Variants in TMEM260 observed in about 807,000 individuals in gnomAD.
TMEM260 encodes the protein protein O-mannosyl-transferase TMEM260.
Under a neutral mutation model 88.9 loss-of-function variants are expected in TMEM260, and 82 were observed. The observed-to-expected ratio is 0.92, with a 90% CI of 0.77 to 1.11. The LOEUF is 1.11. Among genes scored for constraint, TMEM260 ranks in the 50% least tolerant of loss-of-function variants. The pLI, the probability that TMEM260 is intolerant of heterozygous loss-of-function variation, is 0.00. For synonymous variants in TMEM260, 314 were observed against 309.3 expected, an observed-to-expected ratio of 1.02 and a Z score of -0.16; for missense variants, 902 against 853.4, an observed-to-expected ratio of 1.06 and a Z score of -0.71.
chr14:56,662,441 C>T, the TMEM260 span, among the ~76,000 whole-genome samples: 1 of 152,168 alleles, frequency 6.6e-6, no homozygotes, highest in South Asian at 2.1e-4. Flanking sequence ...AGCTCCCTAA[C>T]AAGATGGGAA....
In TMEM260 at chr14:56,615,997, C is replaced by T. The variant is rs1196554182; in HGVS notation, c.911C>T (p.Ala304Val). ...CTCTCATTCAACATCCAAGCCCTTG[C>T]AGTTTGTGCAAATATATGTTTAGCA... The part of the protein sequence containing the change: ...TELSFNIQAL[A>V]VCANICLATK... Residue 304 changes from alanine (A) to valine (V), a missense_variant, in exon 8 of 16, where the codon GCA (alanine) becomes GTA (valine). Transcript: ENST00000261556. The T allele has an allele frequency of 1.9e-6, 3 of 1,612,728 alleles. No homozygotes were observed. Among genetic ancestry groups the T allele is most frequent in the East Asian group, 4.5e-5 (2 of 44,794 alleles).
chr14:56,604,651 T>G (rs1886783192), intron 4 of TMEM260, among the ~76,000 whole-genome samples: 1 of 152,204 alleles, frequency 6.6e-6, no homozygotes, highest in South Asian at 2.1e-4. Context: ...AGGGGGTTTT[T>G]GGCTTAAAAA....
chr14:56,618,382 G>A (rs1197203946), intron 9 of TMEM260, among the ~76,000 whole-genome samples: 2 of 151,726 alleles, frequency 1.3e-5, no homozygotes, highest in Non-Finnish European at 2.9e-5. Flanking sequence ...ATCTGAAAAG[G>A]GAGATGCACC....
intron 15 of TMEM260, among the ~76,000 whole-genome samples, chr14:56,643,879 C>A (rs1889778402): frequency 6.6e-6 from 1 of 152,048 alleles, no homozygotes. Flanking sequence ...GACAGAGAGG[C>A]AAATCATGAG....
At chr14:56,617,749 AC>A (rs1566554275) in intron 9 of TMEM260, among the ~76,000 whole-genome samples, 2 of 152,290 alleles carry the variant, frequency 1.3e-5, no homozygotes, top group South Asian at 2.1e-4. Flanking sequence ...TCTTCTACTT[AC>A]AATAGATTCT....
intron 3 of TMEM260, among the ~76,000 whole-genome samples, chr14:56,593,862 T>G (rs962939424): frequency 1.3e-5 from 2 of 151,422 alleles, no homozygotes; most frequent in Non-Finnish European, 2.9e-5. Context: ...TAATTTTTTG[T>G]ATTTTTAGTA....
intron 7 of TMEM260, 90 bp from the exon 8 acceptor site, chr14:56,615,854 A>G (rs1387845437): frequency 1.4e-5 from 13 of 930,172 alleles, no homozygotes; most frequent in Admixed American, 5.6e-5. Flanking sequence ...ATTGTTCAGT[A>G]TATAATCAAT....
intron 8 of TMEM260, 34 bp from the exon 9 acceptor site, chr14:56,617,149 A>G: frequency 7.7e-7 from 1 of 1,297,650 alleles, no homozygotes; most frequent in Non-Finnish European, 1.1e-6. Flanking sequence ...CATGTATCTA[A>G]ATATTTTAGA....
downstream of TMEM260, chr14:56,650,365 G>T (rs1890182386): frequency 4.4e-6 from 1 of 229,302 alleles, no homozygotes; most frequent in Non-Finnish European, 8.9e-6. Flanking sequence ...TGGAGAAGCG[G>T]ATGGTGGCTC....
At chr14:56,620,044 C>T (rs1480358815) in intron 10 of TMEM260, among the ~76,000 whole-genome samples, 2 of 152,086 alleles carry the variant, frequency 1.3e-5, no homozygotes, top group Admixed American at 1.3e-4. Context: ...GAACAGAAAA[C>T]CTAATACTGC....
In TMEM260 at chr14:56,640,273, A is replaced by C. The variant is rs911406495; in HGVS notation, c.1869+3675A>C. On this transcript the variant is annotated intron_variant, in intron 15 of 15. Transcript: ENST00000261556. ...GTAGGGGTGGACTGACACCTCACACAGCCGGGTACTCCTCTGAGACAAAAC... is the reference window on the plus strand; with the variant it reads ...GTAGGGGTGGACTGACACCTCACACCGCCGGGTACTCCTCTGAGACAAAAC... Among the ~76,000 whole-genome samples, 9 of 152,148 alleles carry C rather than the reference A, an allele frequency of 5.9e-5. No individual in the cohort carries two copies. The East Asian group carries it at 1.7e-3, about 29-fold the overall frequency.
intron 15 of TMEM260, among the ~76,000 whole-genome samples, chr14:56,637,179 G>C (rs1477746487): frequency 6.6e-6 from 1 of 152,222 alleles, no homozygotes; most frequent in Non-Finnish European, 1.5e-5. Context: ...AGAAGTGTGA[G>C]ATAATAAATG....
At chr14:56,618,866 C>A in intron 10 of TMEM260, 103 bp downstream of exon 10, 1 of 1,183,538 alleles carries the variant, frequency 8.4e-7, no homozygotes, top group Non-Finnish European at 1.2e-6. Context: ...GTTTTCAAGA[C>A]TCAAAGTGAG....
chr14:56,600,708 ACT>A (rs1229698963), intron 3 of TMEM260, among the ~76,000 whole-genome samples: 8 of 152,076 alleles, frequency 5.3e-5, no homozygotes, highest in African/African-American at 1.4e-4. Context: ...GAAAAATCAG[ACT>A]CTCATACACT....
chr14:56,644,660 ATTAAAC>A (rs1174206708), intron 15 of TMEM260, among the ~76,000 whole-genome samples: 6 of 152,246 alleles, frequency 3.9e-5, no homozygotes, highest in African/African-American at 1.4e-4. Flanking sequence ...ATGGGATCTA[ATTAAAC>A]TTAAGAGCTT....
At chr14:56,650,038 C>A, downstream of TMEM260, 1 of 446,878 alleles carries the variant, frequency 2.2e-6, no homozygotes. Context: ...AAACAAGTTG[C>A]TTTCTTTTTC....
intron 11 of TMEM260, 75 bp from the exon 12 acceptor site, chr14:56,625,307 G>C: frequency 6.8e-7 from 1 of 1,464,018 alleles, no homozygotes; most frequent in Non-Finnish European, 9.4e-7. Context: ...TTAGGTTTTT[G>C]CCATTACTTG....
At chr14:56,606,708 A>AC (rs1251728901) in intron 5 of TMEM260, among the ~76,000 whole-genome samples, 7 of 152,196 alleles carry the variant, frequency 4.6e-5, no homozygotes, top group Non-Finnish European at 7.3e-5. Flanking sequence ...CCTGGGCAAC[A>AC]CGGTGAAAGT....
intron 3 of TMEM260, among the ~76,000 whole-genome samples, chr14:56,599,130 C>A (rs756267960): frequency 2.0e-5 from 3 of 152,066 alleles, no homozygotes; most frequent in African/African-American, 7.2e-5. Context: ...ACCCTTTGCT[C>A]ATCCTTCTTA....
Sources: gnomAD v4.1 joint callset for allele counts (sites outside exome capture counted in the v4.1 genomes callset) on GRCh38, gnomAD v4.1.1 for gene constraint, MANE v1.5 for transcripts, NCBI Gene and HGNC (gene_info 2026-07-23, HGNC 2026-07-21) for gene names.